Variants in TMEM178B observed in about 807,000 individuals in gnomAD.
TMEM178B encodes transmembrane protein 178B.
Under a neutral mutation model 31.0 loss-of-function variants are expected in TMEM178B, and 5 were observed. That is an observed-to-expected ratio of 0.16 (90% CI 0.08 to 0.34). TMEM178B has a LOEUF of 0.34. Ranked by LOEUF, TMEM178B falls within the 10% of genes least tolerant of loss-of-function variation. The probability of loss-of-function intolerance (pLI) is 1.00; values close to 1 mark genes in which losing one functional copy is unlikely to be tolerated. For synonymous variants in TMEM178B, 164 were observed against 164.0 expected (o/e 1.00, Z 0.00); for missense variants, 275 against 400.3 (o/e 0.69, Z 2.67).
At position 141,406,763 on chromosome 7, in the gene TMEM178B, C is replaced by G. The variant is rs145806496; in HGVS notation, c.497-30845C>G. Among the ~76,000 whole-genome samples the G allele has an allele frequency of 1.8e-3, 272 of 152,264 alleles. 1 individual carries two copies. Among genetic ancestry groups the G allele is most frequent in the African/African-American group, 6.1e-3 (254 of 41,550 alleles). On this transcript the variant is annotated intron_variant, in intron 2 of 3. Coordinates refer to ENST00000565468, the MANE Select transcript of TMEM178B (RefSeq NM_001195278.2). ...ATTTTGTTTTATAATGCTAGACCTT[C>G]GAACGTCATCTGTTAAGGTAAAGAT... is the stretch of plus-strand genomic sequence containing the variant.
At chr7:141,432,431 A>G (rs1162667564) in intron 2 of TMEM178B, among the ~76,000 whole-genome samples, 3 of 152,200 alleles carry the variant, frequency 2.0e-5, no homozygotes, top group African/African-American at 4.8e-5. Context: ...CTGGGATTAC[A>G]GGCGTGAGCC....
At chr7:141,370,524 G>A (rs7805225) in intron 2 of TMEM178B, among the ~76,000 whole-genome samples, 11,749 of 152,224 alleles carry the variant, frequency 0.077, 657 homozygotes, top group African/African-American at 0.15. Flanking sequence ...GTTCTTGTAC[G>A]GATAATAGAC....
At chr7:141,111,970 A>G (rs1207271399) in intron 1 of TMEM178B, among the ~76,000 whole-genome samples, 1 of 152,208 alleles carries the variant, frequency 6.6e-6, no homozygotes, top group East Asian at 1.9e-4. Context: ...GCATTTCCTG[A>G]CAAAGGCAGA....
At chr7:141,151,402 A>G (rs1438641705) in intron 1 of TMEM178B, among the ~76,000 whole-genome samples, 1 of 152,190 alleles carries the variant, frequency 6.6e-6, no homozygotes, top group South Asian at 2.1e-4. Context: ...CTTGGCCAGG[A>G]TTACACAGCT....
chr7:141,222,402 A>G (rs1162237541), intron 2 of TMEM178B, among the ~76,000 whole-genome samples: 1 of 152,222 alleles, frequency 6.6e-6, no homozygotes, highest in Non-Finnish European at 1.5e-5. Context: ...CTGTCTAGGT[A>G]TATGACTCTT....
intron 3 of TMEM178B, among the ~76,000 whole-genome samples, chr7:141,452,484 A>G (rs1002731686): frequency 3.3e-5 from 5 of 152,028 alleles, no homozygotes; most frequent in Admixed American, 2.6e-4. Context: ...TTACCTTTCC[A>G]TCAATTGCCA....
chr7:141,192,677 G>A (rs369341928), intron 1 of TMEM178B, among the ~76,000 whole-genome samples: 3 of 152,152 alleles, frequency 2.0e-5, no homozygotes, highest in South Asian at 4.1e-4. Context: ...TGTTAGCCAG[G>A]ATGGTCTCGA....
intron 1 of TMEM178B, among the ~76,000 whole-genome samples, chr7:141,079,085 G>A (rs1189867615): frequency 2.6e-5 from 4 of 152,160 alleles, no homozygotes; most frequent in Non-Finnish European, 4.4e-5. Context: ...TCAGGAGTTC[G>A]AGACCAGCCT....
intron 2 of TMEM178B, among the ~76,000 whole-genome samples, chr7:141,376,815 A>G (rs1028337106): frequency 2.0e-5 from 3 of 152,202 alleles, no homozygotes; most frequent in African/African-American, 7.2e-5. Flanking sequence ...CTAGATTTGA[A>G]AATATTTTAA....
intron 2 of TMEM178B, among the ~76,000 whole-genome samples, chr7:141,432,831 C>T (rs1217995809): frequency 1.3e-5 from 2 of 152,156 alleles, no homozygotes; most frequent in Admixed American, 6.5e-5. Context: ...TGCCTGCGGG[C>T]ACTGAGTGAA....
At chr7:141,262,875 A>C (rs1798036968) in intron 2 of TMEM178B, among the ~76,000 whole-genome samples, 1 of 152,208 alleles carries the variant, frequency 6.6e-6, no homozygotes. Context: ...ACAAAGGAAG[A>C]TATTGTGGCT....
rs534388861 is a variant in TMEM178B at position 141,285,191 on chromosome 7, C to T, written c.496+72487C>T. Among the ~76,000 whole-genome samples, 10 of 119,572 alleles carry T rather than the reference C, an allele frequency of 8.4e-5. No individual in the cohort carries two copies. In the South Asian group the frequency reaches 8.7e-4, roughly 10 times the overall value. The allele number at this position is 119,572 out of a possible 152,430, so 78.4% of individuals were successfully genotyped here. On this transcript the variant is annotated intron_variant, in intron 2 of 3. Coordinates refer to ENST00000565468, the MANE Select transcript of TMEM178B (RefSeq NM_001195278.2). The stretch of plus-strand genomic sequence containing the variant: ...TTTTTTTTTTTTTGAGACGTAGTCT[C>T]GCTTTGTCGAGTGCAGTGGCATGAT...
intron 2 of TMEM178B, among the ~76,000 whole-genome samples, chr7:141,227,156 G>A (rs1033034843): frequency 6.6e-6 from 1 of 152,230 alleles, no homozygotes; most frequent in African/African-American, 2.4e-5. Context: ...CACAGACTCA[G>A]GACGGCAGAG....
At chr7:141,358,958 C>T (rs757355865) in intron 2 of TMEM178B, among the ~76,000 whole-genome samples, 1 of 152,182 alleles carries the variant, frequency 6.6e-6, no homozygotes, top group Non-Finnish European at 1.5e-5. Context: ...CACCTCTGTA[C>T]GTACTCTTGT....
intron 2 of TMEM178B, among the ~76,000 whole-genome samples, chr7:141,282,796 A>G (rs903173057): frequency 3.9e-5 from 6 of 152,254 alleles, no homozygotes; most frequent in Admixed American, 3.3e-4. Context: ...AGATGCAGGA[A>G]TGGCAGATAA....
At chr7:141,131,901 C>T (rs536117043) in intron 1 of TMEM178B, among the ~76,000 whole-genome samples, 1 of 152,282 alleles carries the variant, frequency 6.6e-6, no homozygotes. Flanking sequence ...TTTATACACC[C>T]ACCAACAATA....
chr7:141,412,973 T>C (rs1801023464), intron 2 of TMEM178B, among the ~76,000 whole-genome samples: 1 of 152,248 alleles, frequency 6.6e-6, no homozygotes, highest in Admixed American at 6.5e-5. Context: ...GTGAAGTCTT[T>C]TGTTCTTCTT....
At chr7:141,121,571 T>C (rs993210125) in intron 1 of TMEM178B, among the ~76,000 whole-genome samples, 6 of 152,220 alleles carry the variant, frequency 3.9e-5, no homozygotes, top group African/African-American at 1.4e-4. Flanking sequence ...CATCCTGTAG[T>C]AGCCTCTTTA....
chr7:141,140,021 C>T lies in TMEM178B; in HGVS notation c.382+65329C>T, dbSNP rs181624560. On this transcript the variant is annotated intron_variant, in intron 1 of 3. Coordinates refer to ENST00000565468, the MANE Select transcript of TMEM178B (RefSeq NM_001195278.2). ...CTTCAGGTCATCTGCCCACCTCAGT[C>T]CCCCAGAGTGCTGGGATTACAGGCA... Among the ~76,000 whole-genome samples the T allele has an allele frequency of 1.2e-3, 182 of 152,312 alleles. 2 individuals carry two copies. Among genetic ancestry groups the T allele is most frequent in the African/African-American group, 4.1e-3 (169 of 41,570 alleles).
Sources: allele counts gnomAD v4.1 joint callset (sites outside exome capture counted in the v4.1 genomes callset), GRCh38; gene constraint gnomAD v4.1.1; transcripts MANE v1.5; gene names NCBI Gene and HGNC (gene_info 2026-07-23, HGNC 2026-07-21).